Variants in C1QTNF5 observed in about 807,000 individuals in gnomAD.
The protein encoded by C1QTNF5 is C1q and TNF related 5, also known as complement C1q tumor necrosis factor-related protein 5.
A neutral mutation model predicts 10.9 loss-of-function variants in C1QTNF5; 5 were observed. That is an observed-to-expected ratio of 0.46 (90% CI 0.24 to 0.97). The LOEUF is 0.97. Ranked by LOEUF, C1QTNF5 falls within the 50% of genes least tolerant of loss-of-function variation. The pLI is 0.19. For synonymous variants in C1QTNF5, 161 were observed against 156.5 expected (o/e 1.03, Z -0.22); for missense variants, 281 against 339.4 (o/e 0.83, Z 1.35).
At chr11:119,346,372 G>A in the C1QTNF5 span, 57 of 1,613,846 alleles carry the variant, frequency 3.5e-5, no homozygotes, top group African/African-American at 1.3e-4. Context: ...TGCAGAACTC[G>A]GTCTGGAAGG....
chr11:119,342,133 AC>A (rs1212513500), upstream of C1QTNF5: 3 of 964,536 alleles, frequency 3.1e-6, no homozygotes, highest in Non-Finnish European at 4.7e-6. Context: ...GACAGGCTGT[AC>A]ACACTCTGAG....
chr11:119,342,927 C>T, upstream of C1QTNF5: 1 of 1,612,784 alleles, frequency 6.2e-7, no homozygotes, highest in Non-Finnish European at 8.5e-7. Context: ...CTGCTGATGC[C>T]ATGATCTGTC....
the C1QTNF5 span, chr11:119,346,226 C>A: frequency 1.3e-6 from 2 of 1,572,314 alleles, no homozygotes; most frequent in Admixed American, 3.7e-5. Flanking sequence ...GTCCTTGGCT[C>A]CTGGGCCTCT....
chr11:119,344,979 TG>T (rs1435204327), upstream of C1QTNF5: 5 of 1,607,030 alleles, frequency 3.1e-6, no homozygotes, highest in Admixed American at 1.7e-5. Flanking sequence ...GTGTTGAGCG[TG>T]GGGGGAGGCA....
upstream of C1QTNF5, chr11:119,342,849 A>C: frequency 6.2e-7 from 1 of 1,612,704 alleles, no homozygotes; most frequent in Non-Finnish European, 8.5e-7. Flanking sequence ...TACTGCCCCC[A>C]CCCACTTGCC....
At chr11:119,341,014 C>T (rs1037336257), upstream of C1QTNF5, 7 of 174,996 alleles carry the variant, frequency 4.0e-5, no homozygotes, top group Admixed American at 4.0e-4. Flanking sequence ...GGCAGAACTT[C>T]GAGAGACGGA....
Position 119,339,191 on chromosome 11 carries a change from C to T in C1QTNF5, c.*140G>A. 6.4e-6 allele frequency: 6 copies of T among 934,630 alleles called. No homozygotes were observed. The highest frequency in any genetic ancestry group is 9.5e-6 in the Non-Finnish European group (6 of 633,748). 57.9% of individuals were successfully genotyped at this position (934,630 alleles called of 1,614,324 possible). A position where few individuals can be genotyped will look rare whatever the true frequency, so the allele number is the denominator to read the frequency against. ...AGCCACTGTTCCCATTCCTTGCCAG[C>T]AGCAGGACGGAGAGTGCTCTACCCC... On this transcript the variant is annotated 3_prime_UTR_variant, in exon 3 of 3. Transcript: ENST00000528368. This position sits in a 1 kb window ranked among gnomAD's most constrained non-coding sequence, Gnocchi z 5.4.
chr11:119,344,242 C>T (rs1162147531), upstream of C1QTNF5: 5 of 1,380,186 alleles, frequency 3.6e-6, no homozygotes, highest in Non-Finnish European at 4.1e-6. Flanking sequence ...CCATGCCATT[C>T]CCATTACACT....
chr11:119,345,171 C>T (rs563448607), upstream of C1QTNF5, among the ~76,000 whole-genome samples: 2 of 152,304 alleles, frequency 1.3e-5, no homozygotes, highest in East Asian at 1.9e-4. Context: ...CTAGCACCTG[C>T]ACATTTATCC....
At chr11:119,342,927 CA>C, upstream of C1QTNF5, 1 of 1,612,784 alleles carries the variant, frequency 6.2e-7, no homozygotes, top group Non-Finnish European at 8.5e-7. Flanking sequence ...CTGCTGATGC[CA>C]TGATCTGTCC....
chr11:119,345,428 G>A (rs1185135117), upstream of C1QTNF5: 2 of 1,613,772 alleles, frequency 1.2e-6, no homozygotes, highest in East Asian at 2.2e-5. Flanking sequence ...ACCTGAGGAG[G>A]GGGCCTTCAG....
Position 119,339,547 on chromosome 11 carries a change from G to T in C1QTNF5, c.516C>A (p.Gly172=), listed in dbSNP as rs779003678. Residue 172 remains glycine, a synonymous_variant, in exon 3 of 3, where the codon GGC becomes GGA. Transcript: ENST00000528368. This position sits in a 1 kb window ranked among gnomAD's most constrained non-coding sequence, Gnocchi z 5.4. ...ASLQFDLVKN[G]ESIASFFQFF... is the part of the protein sequence containing the mutation. ...ACTGGAAGAAAGAGGCAATGGATTCGCCATTCTTCACCAGATCAAACTGCA... is the reference window on the plus strand; with the variant it reads ...ACTGGAAGAAAGAGGCAATGGATTCTCCATTCTTCACCAGATCAAACTGCA... The T allele has an allele frequency of 1.2e-6, 2 of 1,613,606 alleles. No homozygotes were observed. The highest frequency in any genetic ancestry group is 1.3e-5 in the African/African-American group (1 of 75,020).
At position 119,339,799 on chromosome 11, in the gene C1QTNF5, G is replaced by A; in HGVS notation, c.264C>T (p.Pro88=). The A allele has an allele frequency of 6.6e-7, 1 of 1,509,638 alleles. No individual in the cohort carries two copies. The highest frequency in any genetic ancestry group is 8.8e-7 in the Non-Finnish European group (1 of 1,133,194). 93.5% of individuals were successfully genotyped at this position (1,509,638 alleles called of 1,614,324 possible). Residue 88 remains proline (P), a synonymous_variant, in exon 3 of 3, where the codon CCC becomes CCT. Coordinates refer to ENST00000528368, the MANE Select transcript of C1QTNF5 (RefSeq NM_001278431.2). The surrounding 1 kb of genome is among the most constrained non-coding windows in gnomAD (Gnocchi z 5.4). The stretch of plus-strand genomic sequence containing the variant: ...CCCCGGCAGGCCCGGTGGGCCCCGC[G>A]GGTCCCGCCTCTCCTCGCGGCCCGG... The part of the protein sequence containing the change: ...GDPGPRGEAG[P]AGPTGPAGEC...
upstream of C1QTNF5, chr11:119,342,530 A>G: frequency 1.9e-6 from 3 of 1,595,260 alleles, no homozygotes; most frequent in Non-Finnish European, 2.6e-6. Context: ...ACTGTGCAGT[A>G]CGGCAGTAGG....
At chr11:119,346,205 T>G in the C1QTNF5 span, 2 of 1,567,204 alleles carry the variant, frequency 1.3e-6, no homozygotes, top group East Asian at 2.4e-5. Context: ...CTGTTGGGTA[T>G]TCCTCATGCT....
At chr11:119,341,349 C>T, upstream of C1QTNF5, 1 of 598,684 alleles carries the variant, frequency 1.7e-6, no homozygotes, top group Non-Finnish European at 3.0e-6. Flanking sequence ...CAGCCTGGGA[C>T]CGGTAAAGGG....
At chr11:119,345,502 C>T (rs761598566), upstream of C1QTNF5, 27 of 1,614,130 alleles carry the variant, frequency 1.7e-5, no homozygotes, top group East Asian at 3.6e-4. Context: ...CTGAGGGCTT[C>T]GATCTTGAGC....
chr11:119,340,226 CGCCGTCGCG>C lies in C1QTNF5; in HGVS notation c.163_171del (p.Arg55_Gly57del), dbSNP rs940468185. The C allele has an allele frequency of 3.0e-5, 46 of 1,513,502 alleles. 1 individual carries two copies. The highest frequency in any genetic ancestry group is 6.5e-5 in the Admixed American group (3 of 46,456). 93.8% of individuals were successfully genotyped at this position (1,513,502 alleles called of 1,614,324 possible). On this transcript the variant is annotated inframe_deletion, in exon 2 of 3. Coordinates refer to ENST00000528368, the MANE Select transcript of C1QTNF5 (RefSeq NM_001278431.2). ...CCTTTCTCTCCCGGAGCCCCGGGCG[CGCCGTCGCG>C]GCCGTCGCGGCCATCGCGGCCCGGC... is the stretch of plus-strand genomic sequence containing the variant.
At chr11:119,346,330 G>A in the C1QTNF5 span, 1 of 1,614,060 alleles carries the variant, frequency 6.2e-7, no homozygotes, top group Non-Finnish European at 8.5e-7. Flanking sequence ...GGGGAGGGCA[G>A]GGTGGCCCAG....
Sources: allele counts gnomAD v4.1 joint callset (sites outside exome capture counted in the v4.1 genomes callset), GRCh38; gene constraint gnomAD v4.1.1; non-coding constraint Gnocchi (gnomAD v3.1); transcripts MANE v1.5; gene names NCBI Gene and HGNC (gene_info 2026-07-23, HGNC 2026-07-21).